The following TSLP variants were observed in gnomAD, a reference collection of about 807,000 sequenced individuals.
TSLP encodes thymic stromal lymphopoietin.
In TSLP, 12 loss-of-function variants were observed where a neutral mutation model predicts 12.4. That is an observed-to-expected ratio of 0.97 (90% CI 0.62 to 1.57). The LOEUF (loss-of-function observed/expected upper bound fraction) is 1.57. TSLP is among the 40% of genes most tolerant of loss of function. The pLI is 0.00. For synonymous variants in TSLP, 97 were observed against 69.5 expected (o/e 1.40, Z -1.97); for missense variants, 222 against 189.6 (o/e 1.17, Z -1.00).
chr5:111,073,458 TTCTC>T, intron 2 of TSLP, 49 bp from the exon 3 acceptor site: 1 of 1,610,600 alleles, frequency 6.2e-7, no homozygotes. Flanking sequence ...CACCAACTCT[TTCTC>T]TCTCTGGTGT....
intron 3 of TSLP, among the ~76,000 whole-genome samples, chr5:111,074,740 C>G (rs1752452912): frequency 6.6e-6 from 1 of 151,706 alleles, no homozygotes; most frequent in African/African-American, 2.4e-5. Flanking sequence ...AAGCCTCAGC[C>G]TCCCGAGTAG....
intron 3 of TSLP, among the ~76,000 whole-genome samples, 193 bp from the exon 4 acceptor site, chr5:111,075,753 T>G (rs896846599): frequency 2.0e-5 from 3 of 152,156 alleles, no homozygotes; most frequent in Non-Finnish European, 4.4e-5. Context: ...TGCTTGGCCT[T>G]GAAGCAAAAG....
At chr5:111,073,700 C>T in intron 3 of TSLP, 55 bp downstream of exon 3, 2 of 1,554,994 alleles carry the variant, frequency 1.3e-6, no homozygotes, top group South Asian at 1.2e-5. Flanking sequence ...TCAAATTAAA[C>T]TGGGGCTTTG....
intron 2 of TSLP, 137 bp from the exon 3 acceptor site, chr5:111,073,374 C>T (rs1752397149): frequency 4.6e-6 from 7 of 1,536,622 alleles, no homozygotes; most frequent in African/African-American, 1.4e-5. Flanking sequence ...CAACCCTGAC[C>T]TCTTCTCTCT....
chr5:111,074,963 A>G (rs1259017961), intron 3 of TSLP, among the ~76,000 whole-genome samples: 1 of 152,156 alleles, frequency 6.6e-6, no homozygotes, highest in East Asian at 1.9e-4. Flanking sequence ...CATAGCGCTG[A>G]TCTGGGTTGA....
At chr5:111,073,324 C>G (rs544394009) in intron 2 of TSLP, 187 bp from the exon 3 acceptor site, 1 of 1,436,008 alleles carries the variant, frequency 7.0e-7, no homozygotes, top group South Asian at 1.5e-5. Context: ...ACCCTCGCCA[C>G]GCCCCTGCTC....
At chr5:111,075,179 C>A (rs556387526) in intron 3 of TSLP, among the ~76,000 whole-genome samples, 1 of 152,110 alleles carries the variant, frequency 6.6e-6, no homozygotes, top group Admixed American at 6.5e-5. Context: ...CCCTCCCAAG[C>A]CCAAATGGAG....
At chr5:111,073,324 C>T (rs544394009) in intron 2 of TSLP, 187 bp from the exon 3 acceptor site, 1 of 1,436,008 alleles carries the variant, frequency 7.0e-7, no homozygotes, top group Non-Finnish European at 9.1e-7. Context: ...ACCCTCGCCA[C>T]GCCCCTGCTC....
At position 111,073,503 on chromosome 5, in the gene TSLP, A is replaced by C. The variant is rs374701379; in HGVS notation, c.217-8A>C. On this transcript the variant is annotated splice_polypyrimidine_tract_variant and splice_region_variant and intron_variant, in intron 2 of 3. Transcript: ENST00000344895. ...CCTTTTCTCGTAAACTTTGCCGCCT[A>C]TGAGCAGCCACATTGCCTTACTGAA... 112 of 1,613,964 alleles carry C rather than the reference A, an allele frequency of 6.9e-5. No individual in the cohort carries two copies. The highest frequency in any genetic ancestry group is 9.1e-5 in the Non-Finnish European group (107 of 1,179,994).
chr5:111,070,108 G>A (rs538398784), upstream of TSLP: 1 of 152,108 alleles, frequency 6.6e-6, no homozygotes, highest in African/African-American at 2.4e-5. Flanking sequence ...AAAGAATGCT[G>A]TGGTGACTCG....
chr5:111,071,333 TC>T, upstream of TSLP: 1 of 1,003,376 alleles, frequency 1.0e-6, no homozygotes, highest in Non-Finnish European at 1.4e-6. Context: ...TCAAAGATGT[TC>T]AGAATGCATG....
chr5:111,075,666 A>T (rs1029147083), intron 3 of TSLP, among the ~76,000 whole-genome samples: 3 of 152,228 alleles, frequency 2.0e-5, no homozygotes, highest in African/African-American at 7.2e-5. Flanking sequence ...AAGTTAAATG[A>T]CACACACTCT....
At chr5:111,072,605 T>C (rs892060309) in intron 1 of TSLP, among the ~76,000 whole-genome samples, 1 of 152,156 alleles carries the variant, frequency 6.6e-6, no homozygotes, top group African/African-American at 2.4e-5. Flanking sequence ...ATCCAAAGGA[T>C]GGCATTATTA....
rs947610305 is a variant in TSLP, at chr5:111,072,992, G to C, written c.216+60G>C. The stretch of plus-strand genomic sequence containing the variant: ...AGGGAGACGCCAGGCATTTTGGAGA[G>C]GGAGTATCCTGCTACGTGCAGAACT... On this transcript the variant is annotated intron_variant, in intron 2 of 3. Coordinates refer to ENST00000344895, the MANE Select transcript of TSLP (RefSeq NM_033035.5). 9 of 1,587,752 alleles carry C rather than the reference G, an allele frequency of 5.7e-6. No individual in the cohort carries two copies. The South Asian group carries it at 7.7e-5, about 14-fold the overall frequency.
Position 111,071,980 on chromosome 5 carries a change from C to T in TSLP, c.90C>T (p.Asp30=). The T allele has an allele frequency of 1.2e-6, 2 of 1,614,212 alleles. No individual in the cohort carries two copies. The highest frequency in any genetic ancestry group is 1.7e-4 in the Middle Eastern group (1 of 6,054). Residue 30 remains aspartate, a synonymous_variant, in exon 1 of 4, where the codon GAC becomes GAT. Coordinates refer to ENST00000344895, the MANE Select transcript of TSLP (RefSeq NM_033035.5). ...TTGTAGGGCTGGTGTTAACTTACGA[C>T]TTCACTAACTGTGACTTTGAGAAGA... The part of the protein sequence containing the change: ...LQLVGLVLTY[D]FTNCDFEKIK...
chr5:111,071,116 C>T (rs1752328562), upstream of TSLP: 1 of 236,052 alleles, frequency 4.2e-6, no homozygotes, highest in South Asian at 1.7e-4. Context: ...GAACAAGCCA[C>T]ATCAGATCTT....
At chr5:111,073,425 C>T in intron 2 of TSLP, 86 bp from the exon 3 acceptor site, 1 of 1,588,658 alleles carries the variant, frequency 6.3e-7, no homozygotes, top group Non-Finnish European at 8.6e-7. Context: ...TGACCTTCCT[C>T]CCCTCCCCTT....
At chr5:111,071,403 C>T, upstream of TSLP, 1 of 1,488,864 alleles carries the variant, frequency 6.7e-7, no homozygotes, top group Non-Finnish European at 8.9e-7. Context: ...AGGTGTTTCT[C>T]CCAAATAGAA....
intron 2 of TSLP, 152 bp from the exon 3 acceptor site, chr5:111,073,359 C>G (rs1047681872): frequency 2.0e-6 from 3 of 1,497,474 alleles, no homozygotes; most frequent in Non-Finnish European, 2.7e-6. Context: ...CTTCCTTGCT[C>G]TACTCAACCC....
Sources: gnomAD v4.1 joint callset for allele counts (sites outside exome capture counted in the v4.1 genomes callset) on GRCh38, gnomAD v4.1.1 for gene constraint, MANE v1.5 for transcripts, NCBI Gene and HGNC (gene_info 2026-07-23, HGNC 2026-07-21) for gene names.